Variants in DGKD observed in about 807,000 individuals in gnomAD.
The protein encoded by DGKD is DAG kinase delta.
Under a neutral mutation model 154.4 loss-of-function variants are expected in DGKD, and 68 were observed. The ratio of observed to expected loss-of-function variants is 0.44; its 90% CI spans 0.36 to 0.54. DGKD has a LOEUF of 0.54. Ranked by LOEUF, DGKD falls within the 20% of genes least tolerant of loss-of-function variation. The pLI is 0.00. For synonymous variants in DGKD, 693 were observed against 638.0 expected, an observed-to-expected ratio of 1.09 and a Z score of -1.30; for missense variants, 1,343 against 1,593.6, an observed-to-expected ratio of 0.84 and a Z score of 2.68.
chr2:233,399,656 C>CT (rs1194586721), intron 3 of DGKD, among the ~76,000 whole-genome samples: 1 of 152,130 alleles, frequency 6.6e-6, no homozygotes, highest in Non-Finnish European at 1.5e-5. Flanking sequence ...TGGGTTTGGG[C>CT]TTTTTTGTCA....
At chr2:233,420,458 C>T (rs552107830) in intron 3 of DGKD, among the ~76,000 whole-genome samples, 6 of 152,308 alleles carry the variant, frequency 3.9e-5, no homozygotes, top group East Asian at 1.9e-4. Context: ...TTCCTATCCT[C>T]GTTTCTTCCT....
Position 233,452,057 on chromosome 2 carries a change from C to T in DGKD, c.2261C>T (p.Thr754Ile), listed in dbSNP as rs781608239. 2.5e-6 allele frequency: 4 copies of T among 1,613,562 alleles called. No individual in the cohort carries two copies. Among genetic ancestry groups the T allele is most frequent in the Non-Finnish European group, 3.4e-6 (4 of 1,179,632 alleles). ...NADPFNSEPE[T>I]LEYYTEKCVM... ...GATCCCTTCAACTCTGAACCAGAAA[C>T]CCTGTGAGTATGAGGGATAAACCGA... is the stretch of plus-strand genomic sequence containing the variant. The change falls in exon 18 of 30, where the codon ACC becomes ATC. Residue 754 changes from threonine to isoleucine, a missense_variant. This residue lies in a region of DGKD where 409 missense variants were observed against 446.0 expected (regional missense o/e 0.92). Coordinates refer to ENST00000264057, the MANE Select transcript of DGKD (RefSeq NM_152879.3). This position sits in a 1 kb window ranked among gnomAD's most constrained non-coding sequence, Gnocchi z 4.0.
intron 19 of DGKD, among the ~76,000 whole-genome samples, chr2:233,455,278 C>T (rs2063422984): frequency 6.6e-6 from 1 of 152,224 alleles, no homozygotes; most frequent in African/African-American, 2.4e-5. Flanking sequence ...CCCATCACAC[C>T]CGAGCCTGCC....
At chr2:233,429,466 C>T (rs1354069588) in intron 3 of DGKD, among the ~76,000 whole-genome samples, 1 of 152,180 alleles carries the variant, frequency 6.6e-6, no homozygotes, top group South Asian at 2.1e-4. Context: ...CCCAGTCTCC[C>T]ATGACCGTCC....
At chr2:233,383,888 G>A (rs1216209425) in intron 1 of DGKD, among the ~76,000 whole-genome samples, 3 of 152,180 alleles carry the variant, frequency 2.0e-5, no homozygotes, top group Non-Finnish European at 4.4e-5. Context: ...ATAGCATTGA[G>A]GGAACGGGAA....
intron 1 of DGKD, among the ~76,000 whole-genome samples, chr2:233,375,312 AAAAG>A (rs932973465): frequency 8.6e-5 from 13 of 152,032 alleles, no homozygotes; most frequent in Non-Finnish European, 1.8e-4. Flanking sequence ...AAAAAGAAAA[AAAAG>A]AAAGAAAACA....
chr2:233,385,642 C>T (rs1054065037), intron 1 of DGKD, among the ~76,000 whole-genome samples: 4 of 152,186 alleles, frequency 2.6e-5, no homozygotes, highest in African/African-American at 9.6e-5. Flanking sequence ...GGAGAGGCCT[C>T]GTCAGCCTAG....
At chr2:233,396,415 G>T (rs1429521868) in intron 3 of DGKD, among the ~76,000 whole-genome samples, 1 of 151,896 alleles carries the variant, frequency 6.6e-6, no homozygotes, top group East Asian at 1.9e-4. Flanking sequence ...CATTTTTTTT[G>T]GGGTCTACCG....
intron 3 of DGKD, among the ~76,000 whole-genome samples, chr2:233,396,935 GCCAGA>G (rs1704091564): frequency 2.5e-5 from 3 of 122,444 alleles, no homozygotes; most frequent in African/African-American, 3.3e-5. Flanking sequence ...GCTGGGGGGG[GCCAGA>G]GCGAGAGGAC....
At chr2:233,384,235 C>T (rs1703049417) in intron 1 of DGKD, among the ~76,000 whole-genome samples, 1 of 152,164 alleles carries the variant, frequency 6.6e-6, no homozygotes. Flanking sequence ...TTCCTTTATC[C>T]TCAGCTCAGT....
intron 1 of DGKD, chr2:233,386,192 A>G: frequency 3.0e-6 from 1 of 335,332 alleles, no homozygotes; most frequent in Admixed American, 4.0e-5. Context: ...GAAGAGATGG[A>G]AGTGATTGCT....
intron 1 of DGKD, among the ~76,000 whole-genome samples, chr2:233,378,395 G>C (rs1330367467): frequency 6.7e-6 from 1 of 148,434 alleles, no homozygotes; most frequent in Admixed American, 6.7e-5. Flanking sequence ...CTGGGCGATA[G>C]AGTGAGACTC....
At chr2:233,432,565 A>G (rs973002151) in intron 3 of DGKD, among the ~76,000 whole-genome samples, 1 of 152,206 alleles carries the variant, frequency 6.6e-6, no homozygotes, top group Non-Finnish European at 1.5e-5. Context: ...AGGCTGAGGC[A>G]GGAGAATGGC....
chr2:233,373,812 G>T (rs1260003450), intron 1 of DGKD, among the ~76,000 whole-genome samples: 1 of 145,562 alleles, frequency 6.9e-6, no homozygotes, highest in African/African-American at 2.6e-5. Flanking sequence ...TAAACTGTTT[G>T]ATGCGTGCAA....
rs2062789556 is a variant in DGKD at position 233,438,756 on chromosome 2, A to AT, written c.1085+378dup. On this transcript the variant is annotated intron_variant, in intron 9 of 29. Transcript: ENST00000264057. This position sits in a 1 kb window ranked among gnomAD's most constrained non-coding sequence, Gnocchi z 4.1. ...TTTTTTATTTATCTGTCTATCTATC[A>AT]TCTATCTATCTATCTATCTATCTAT... Among the ~76,000 whole-genome samples, 1 of 5,724 alleles carries AT rather than the reference A, an allele frequency of 1.7e-4. No homozygotes were observed. The highest frequency in any genetic ancestry group is 3.7e-4 in the Non-Finnish European group (1 of 2,688). 3.8% of individuals were successfully genotyped at this position (5,724 alleles called of 152,430 possible).
intron 12 of DGKD, chr2:233,447,741 G>T: frequency 9.0e-7 from 1 of 1,111,332 alleles, no homozygotes; most frequent in Non-Finnish European, 1.1e-6. Context: ...GCTGCAAACG[G>T]ACCCAAACCT....
intron 1 of DGKD, among the ~76,000 whole-genome samples, chr2:233,372,514 C>G (rs1274290862): frequency 6.6e-6 from 1 of 152,028 alleles, no homozygotes; most frequent in Admixed American, 6.5e-5. Context: ...TATCTCCTTT[C>G]TCTCTGTGGT....
intron 1 of DGKD, among the ~76,000 whole-genome samples, chr2:233,360,633 C>CCTGCTTCAGG (rs1701736509): frequency 6.6e-6 from 1 of 152,206 alleles, no homozygotes; most frequent in Admixed American, 6.5e-5. Flanking sequence ...AAGTGATCCT[C>CCTGCTTCAGG]CTGCTTCAGG....
chr2:233,462,444 G>A lies in DGKD; in HGVS notation c.3078G>A (p.Lys1026=), dbSNP rs761418361. Residue 1026 remains lysine, a synonymous_variant, in exon 25 of 30, where the codon AAG becomes AAA. Coordinates refer to ENST00000264057, the MANE Select transcript of DGKD (RefSeq NM_152879.3). ...SSKSMDRVYG[K]PRTTEGLNCS... ...AGTCCATGGACCGTGTGTATGGCAAGCCCAGAACCACAGAGGTAGCTATTC... is the reference window on the plus strand; with the variant it reads ...AGTCCATGGACCGTGTGTATGGCAAACCCAGAACCACAGAGGTAGCTATTC... 3.1e-6 allele frequency: 5 copies of A among 1,597,656 alleles called. No individual in the cohort carries two copies. The highest frequency in any genetic ancestry group is 3.4e-6 in the Non-Finnish European group (4 of 1,167,428).
Sources: allele counts gnomAD v4.1 joint callset (sites outside exome capture counted in the v4.1 genomes callset), GRCh38; gene constraint gnomAD v4.1.1; regional missense constraint gnomAD v4.1.1; non-coding constraint Gnocchi (gnomAD v3.1); transcripts MANE v1.5; gene names NCBI Gene and HGNC (gene_info 2026-07-23, HGNC 2026-07-21).